RFESD: variants seen among roughly 807,000 people sequenced by gnomAD.
The protein encoded by RFESD is Rieske domain-containing protein.
In RFESD, 16 loss-of-function variants were observed where a neutral mutation model predicts 24.4. That is an observed-to-expected ratio of 0.66 (90% confidence interval 0.44 to 1.00). The LOEUF is 1.00. Ranked by LOEUF, RFESD falls within the 50% of genes least tolerant of loss-of-function variation. The pLI is 0.00. For missense variants in RFESD, 208 were observed against 247.0 expected, an observed-to-expected ratio of 0.84 and a Z score of 1.06; for synonymous variants, 59 against 81.8, an observed-to-expected ratio of 0.72 and a Z score of 1.50.
rs774103239 is a variant in RFESD at position 95,656,122 on chromosome 5, A to G, written c.446A>G (p.Tyr149Cys). Residue 149 changes from tyrosine (Y) to cysteine (C), a missense_variant, in exon 6 of 6, where the codon TAC becomes TGC. By Grantham distance (194) the Tyr-to-Cys change is radical. Transcript: ENST00000380005. ...KITLATGEGL[Y>C]QSINPKDPSA... ...ACTTTGGCAACAGGAGAAGGTCTGT[A>G]CCAGTCTATAAACCCTAAAGATCCA... The G allele has an allele frequency of 6.8e-6, 11 of 1,613,666 alleles. No homozygotes were observed. The Admixed American group carries it at 1.5e-4, about 22-fold the overall frequency.
rs1580273580 is a variant in RFESD at position 95,657,436 on chromosome 5, G to A, written c.*1127G>A. ...TCATGCAAAAATCACCACTATGTGG[G>A]ACCAGAAATAGCTAAAATGAGTAGA... On this transcript the variant is annotated 3_prime_UTR_variant, in exon 6 of 6. Transcript: ENST00000380005. 1.3e-5 allele frequency: 2 copies of A among 151,876 alleles called. No homozygotes were observed. Among genetic ancestry groups the A allele is most frequent in the East Asian group, 3.9e-4 (2 of 5,148 alleles). 9.4% of individuals were successfully genotyped at this position (151,876 alleles called of 1,614,324 possible).
intron 2 of RFESD, 88 bp from the exon 3 acceptor site, chr5:95,653,029 C>A: frequency 6.6e-7 from 1 of 1,516,286 alleles, no homozygotes; most frequent in African/African-American, 1.4e-5. Context: ...GCCTGTTTAC[C>A]AATCTTGCAT....
At chr5:95,655,681 A>C (rs1026830306) in intron 5 of RFESD, among the ~76,000 whole-genome samples, 1 of 152,182 alleles carries the variant, frequency 6.6e-6, no homozygotes, top group Non-Finnish European at 1.5e-5. Flanking sequence ...TTATATCTGA[A>C]CCTTACAGTT....
intron 1 of RFESD, among the ~76,000 whole-genome samples, chr5:95,650,820 C>T (rs549160345): frequency 5.3e-5 from 8 of 152,060 alleles, no homozygotes; most frequent in Non-Finnish European, 1.0e-4. Flanking sequence ...TGGATAGGGC[C>T]GGGCATGGTG....
At chr5:95,652,980 G>A in intron 2 of RFESD, 137 bp from the exon 3 acceptor site, 1 of 1,204,638 alleles carries the variant, frequency 8.3e-7, no homozygotes, top group Non-Finnish European at 1.1e-6. Flanking sequence ...TTTGCTCTTA[G>A]AGTAAAATCC....
chr5:95,656,305 C>T lies in RFESD; in HGVS notation c.629C>T (p.Ser210Phe). 1.3e-6 allele frequency: 2 copies of T among 1,599,818 alleles called. No homozygotes were observed. The part of the protein sequence containing the change: ...TGDFKVIKSS[S>F] ...GACTTCAAAGTAATTAAGAGTTCTT[C>T]CTGATAAAAAATATATAGAAATGAA... is the stretch of plus-strand genomic sequence containing the variant. The change falls in exon 6 of 6, where the codon TCC becomes TTC. Residue 210 changes from serine to phenylalanine, a missense_variant. Transcript: ENST00000380005.
In RFESD at chr5:95,653,151, TA is replaced by T; in HGVS notation, c.96del (p.Val33PhefsTer15). 6.4e-7 allele frequency: 1 copy of T among 1,551,770 alleles called. No individual in the cohort carries two copies. The highest frequency in any genetic ancestry group is 1.2e-5 in the South Asian group (1 of 84,064). ...CTCTTCCCCAAGCTGTTGGCATGTC[TA>T]GTTCATTTGCATTTTGGGCATTTCA... is the stretch of plus-strand genomic sequence containing the variant. ...GILFPKLLAC[L>X]VHLHFGHFSS... On this transcript the variant is annotated frameshift_variant, in exon 3 of 6. Transcript: ENST00000380005. LOFTEE classifies it high-confidence loss of function.
intron 1 of RFESD, among the ~76,000 whole-genome samples, chr5:95,649,834 A>G (rs993295608): frequency 1.6e-4 from 24 of 152,206 alleles, no homozygotes; most frequent in Non-Finnish European, 4.4e-5. Flanking sequence ...CTGAATCTCA[A>G]GAGTTTGTCA....
At chr5:95,653,868 A>G (rs1750526652) in intron 3 of RFESD, among the ~76,000 whole-genome samples, 193 bp from the exon 4 acceptor site, 1 of 152,196 alleles carries the variant, frequency 6.6e-6, no homozygotes, top group Non-Finnish European at 1.5e-5. Flanking sequence ...ACTGCACTCC[A>G]GCCTGGGTGA....
At chr5:95,652,091 A>T (rs1750372564) in intron 1 of RFESD, 46 bp from the exon 2 acceptor site, 1 of 631,444 alleles carries the variant, frequency 1.6e-6, no homozygotes, top group Non-Finnish European at 2.6e-6. Context: ...AGACGTGACC[A>T]GCATTGGAAT....
chr5:95,651,522 G>A (rs749542652), intron 1 of RFESD, among the ~76,000 whole-genome samples: 20 of 152,108 alleles, frequency 1.3e-4, no homozygotes, highest in Non-Finnish European at 2.6e-4. Context: ...AGCCTCCCAG[G>A]CAGCCAACCC....
chr5:95,648,705 T>C (rs566725135), intron 1 of RFESD, among the ~76,000 whole-genome samples: 1 of 152,306 alleles, frequency 6.6e-6, no homozygotes, highest in East Asian at 1.9e-4. Flanking sequence ...TCCTTTTTTA[T>C]CAGTCCCGTA....
At chr5:95,648,457 G>A (rs769997236) in intron 1 of RFESD, among the ~76,000 whole-genome samples, 9 of 152,046 alleles carry the variant, frequency 5.9e-5, no homozygotes, top group Non-Finnish European at 1.3e-4. Flanking sequence ...TCAAAATAAC[G>A]ATAATTAAGG....
intron 1 of RFESD, among the ~76,000 whole-genome samples, chr5:95,648,653 A>C (rs1172177324): frequency 6.6e-6 from 1 of 152,182 alleles, no homozygotes; most frequent in African/African-American, 2.4e-5. Flanking sequence ...CCATAATCAT[A>C]GTTCTCTGAA....
intron 3 of RFESD, 43 bp downstream of exon 3, chr5:95,653,257 C>G: frequency 6.5e-7 from 1 of 1,549,882 alleles, no homozygotes; most frequent in Non-Finnish European, 8.7e-7. Context: ...CCTTCTCTTG[C>G]TGTAATAGCT....
intron 2 of RFESD, chr5:95,652,914 C>A: frequency 1.6e-6 from 1 of 643,702 alleles, no homozygotes; most frequent in Non-Finnish European, 2.5e-6. Flanking sequence ...CGGGAGCATT[C>A]TTTCAAAAAG....
rs1214828976 is a variant in RFESD at position 95,656,177 on chromosome 5, A to G, written c.501A>G (p.Gly167=). Residue 167 remains glycine, a synonymous_variant, in exon 6 of 6, where the codon GGA becomes GGG. Coordinates refer to ENST00000380005, the MANE Select transcript of RFESD (RefSeq NM_001131066.2). ...CAAAACCCAAGTGGTGCTCCAAAGG[A>G]ATAAAGCAAAGGATTCACACAGTGA... is the stretch of plus-strand genomic sequence containing the variant. ...PSAKPKWCSK[G]IKQRIHTVTV... The G allele has an allele frequency of 6.2e-7, 1 of 1,614,114 alleles. No homozygotes were observed. The highest frequency in any genetic ancestry group is 1.7e-5 in the Admixed American group (1 of 60,028).
intron 5 of RFESD, 102 bp downstream of exon 5, chr5:95,654,469 T>C: frequency 1.2e-6 from 1 of 807,454 alleles, no homozygotes; most frequent in East Asian, 2.7e-5. Context: ...TGAATATAAT[T>C]CCAAGTATTC....
At chr5:95,654,465 T>A (rs905863436) in intron 5 of RFESD, 98 bp downstream of exon 5, 22 of 814,960 alleles carry the variant, frequency 2.7e-5, no homozygotes, top group Non-Finnish European at 3.9e-5. Context: ...GCTTTGAATA[T>A]AATTCCAAGT....
Sources: allele counts gnomAD v4.1 joint callset (sites outside exome capture counted in the v4.1 genomes callset), GRCh38; gene constraint gnomAD v4.1.1; transcripts MANE v1.5; gene names NCBI Gene and HGNC (gene_info 2026-07-23, HGNC 2026-07-21).